ZNF804A: variants seen among roughly 807,000 people sequenced by gnomAD.
The protein encoded by ZNF804A is zinc finger protein 804A.
ZNF804A carries 2 observed loss-of-function variants against 16.5 expected under a neutral mutation model. That is an observed-to-expected ratio of 0.12 (90% confidence interval 0.05 to 0.38). ZNF804A has a LOEUF of 0.38. ZNF804A is among the 10% of genes least tolerant of loss of function. ZNF804A has a pLI of 0.99. For missense variants in ZNF804A, 1,473 were observed against 1,390.7 expected, an observed-to-expected ratio of 1.06 and a Z score of -0.94; for synonymous variants, 534 against 489.6, an observed-to-expected ratio of 1.09 and a Z score of -1.20.
At chr2:184,863,402 T>G (rs1374481985) in intron 1 of ZNF804A, among the ~76,000 whole-genome samples, 1 of 152,162 alleles carries the variant, frequency 6.6e-6, no homozygotes, top group Non-Finnish European at 1.5e-5. Flanking sequence ...TACTTTTAAA[T>G]TACTGTTTTT....
intron 1 of ZNF804A, among the ~76,000 whole-genome samples, chr2:184,749,954 G>T (rs899909093): frequency 6.6e-6 from 1 of 151,152 alleles, no homozygotes; most frequent in Non-Finnish European, 1.5e-5. Flanking sequence ...GAACATTTTA[G>T]TGGGATTTGC....
At chr2:184,662,214 C>T (rs1559120326) in intron 1 of ZNF804A, among the ~76,000 whole-genome samples, 1 of 152,106 alleles carries the variant, frequency 6.6e-6, no homozygotes, top group South Asian at 2.1e-4. Context: ...GCAACATTAC[C>T]TGTTGTGTCA....
intron 1 of ZNF804A, among the ~76,000 whole-genome samples, chr2:184,678,893 C>T (rs1440235049): frequency 6.6e-6 from 1 of 152,042 alleles, no homozygotes; most frequent in Non-Finnish European, 1.5e-5. Flanking sequence ...TTAGTGTATT[C>T]TTACAGATTC....
intron 1 of ZNF804A, among the ~76,000 whole-genome samples, chr2:184,636,223 CT>C (rs146807772): frequency 0.068 from 10,280 of 150,132 alleles, 467 homozygotes; most frequent in Middle Eastern, 0.11. Flanking sequence ...GACTCAATGG[CT>C]TTTTTTTTAA....
At chr2:184,787,210 A>G (rs1358221170) in intron 1 of ZNF804A, among the ~76,000 whole-genome samples, 1 of 151,926 alleles carries the variant, frequency 6.6e-6, no homozygotes, top group African/African-American at 2.4e-5. Flanking sequence ...AGAACATTCA[A>G]TGTTTGATAT....
At chr2:184,641,381 A>G (rs1339980311) in intron 1 of ZNF804A, among the ~76,000 whole-genome samples, 1 of 152,202 alleles carries the variant, frequency 6.6e-6, no homozygotes, top group Non-Finnish European at 1.5e-5. Flanking sequence ...TAATGACAGA[A>G]AGCAGATCAG....
rs188798587 is a variant in ZNF804A at position 184,779,691 on chromosome 2, C to T, written c.112-86678C>T. Among the ~76,000 whole-genome samples the T allele has an allele frequency of 4.7e-4, 71 of 151,714 alleles. No homozygotes were observed. The East Asian group carries it at 0.011, about 24-fold the overall frequency. ...TTTGGAGATGGGAAGGAGCTATAGC[C>T]ATGAAACGGGGCTGGCCTCTAGAAG... On this transcript the variant is annotated intron_variant, in intron 1 of 3. Transcript: ENST00000302277.
intron 1 of ZNF804A, among the ~76,000 whole-genome samples, chr2:184,756,404 T>C (rs1693959750): frequency 6.6e-6 from 1 of 151,994 alleles, no homozygotes; most frequent in Admixed American, 6.6e-5. Flanking sequence ...AATTTTATAA[T>C]GAATATGTTT....
chr2:184,637,452 G>C (rs542441502), intron 1 of ZNF804A, among the ~76,000 whole-genome samples: 11 of 152,106 alleles, frequency 7.2e-5, no homozygotes, highest in African/African-American at 1.9e-4. Context: ...TGCTGCAAAA[G>C]ATGTTTTCTG....
chr2:184,769,832 C>A (rs1694184889), intron 1 of ZNF804A, among the ~76,000 whole-genome samples: 1 of 151,968 alleles, frequency 6.6e-6, no homozygotes, highest in African/African-American at 2.4e-5. Flanking sequence ...GTAATCAGAG[C>A]TCAGATGTTT....
chr2:184,872,562 G>A (rs1695992512), intron 2 of ZNF804A, among the ~76,000 whole-genome samples: 1 of 152,022 alleles, frequency 6.6e-6, no homozygotes, highest in African/African-American at 2.4e-5. Context: ...ACCTAAAAAT[G>A]CCATACAACT....
chr2:184,915,410 G>T (rs1025731029), intron 2 of ZNF804A, among the ~76,000 whole-genome samples: 19 of 152,024 alleles, frequency 1.2e-4, no homozygotes, highest in Non-Finnish European at 2.5e-4. Context: ...GCATTCAGTT[G>T]TTTGTATATA....
At chr2:184,853,239 T>G (rs1419076235) in intron 1 of ZNF804A, among the ~76,000 whole-genome samples, 1 of 151,932 alleles carries the variant, frequency 6.6e-6, no homozygotes, top group Non-Finnish European at 1.5e-5. Flanking sequence ...TTCATTATTA[T>G]TTTATAGAAA....
At chr2:184,914,372 G>T (rs980748102) in intron 2 of ZNF804A, among the ~76,000 whole-genome samples, 1 of 152,120 alleles carries the variant, frequency 6.6e-6, no homozygotes, top group Non-Finnish European at 1.5e-5. Flanking sequence ...TGTTGTAAGA[G>T]GCTCTCTAGG....
chr2:184,937,765 A>T lies in ZNF804A; in HGVS notation c.2369A>T (p.His790Leu). 6.2e-7 allele frequency: 1 copy of T among 1,614,012 alleles called. No homozygotes were observed. The highest frequency in any genetic ancestry group is 1.1e-5 in the South Asian group (1 of 91,078). ...GATGAAAGTTTAAATCGACAGAATCATTTACCAGAAGAATTTTTGAGGCCA... is the reference window on the plus strand; with the variant it reads ...GATGAAAGTTTAAATCGACAGAATCTTTTACCAGAAGAATTTTTGAGGCCA... ...SSDESLNRQNHLPEEFLRPPS... is the reference protein window; with the variant it reads ...SSDESLNRQNLLPEEFLRPPS... The change falls in exon 4 of 4, where the codon CAT (histidine) becomes CTT (leucine). Residue 790 changes from histidine (H) to leucine (L), a missense_variant. Physicochemically the swap from His to Leu is moderately conservative, Grantham distance 99. Coordinates refer to ENST00000302277, the MANE Select transcript of ZNF804A (RefSeq NM_194250.2).
intron 1 of ZNF804A, among the ~76,000 whole-genome samples, chr2:184,813,923 G>A (rs911464478): frequency 2.7e-5 from 4 of 145,916 alleles, no homozygotes; most frequent in African/African-American, 5.0e-5. Context: ...TTCAGTACAT[G>A]CTTCAGGTTT....
At chr2:184,919,075 T>C (rs559753493) in intron 2 of ZNF804A, among the ~76,000 whole-genome samples, 1 of 152,300 alleles carries the variant, frequency 6.6e-6, no homozygotes, top group East Asian at 1.9e-4. Flanking sequence ...TATTCTTCAT[T>C]TGTGAAGTGA....
intron 1 of ZNF804A, among the ~76,000 whole-genome samples, chr2:184,792,654 CAGAAATTTAATTTCA>C (rs945868046): frequency 2.6e-5 from 4 of 152,120 alleles, no homozygotes; most frequent in Non-Finnish European, 5.9e-5. Context: ...TTTCACAGAA[CAGAAATTTAATTTCA>C]ATGAAGTCCA....
At chr2:184,644,476 G>C (rs1325021514) in intron 1 of ZNF804A, among the ~76,000 whole-genome samples, 3 of 151,512 alleles carry the variant, frequency 2.0e-5, no homozygotes, top group East Asian at 3.9e-4. Flanking sequence ...AGTCATCCTG[G>C]TGATATATAA....
Sources: allele counts gnomAD v4.1 joint callset (sites outside exome capture counted in the v4.1 genomes callset), GRCh38; gene constraint gnomAD v4.1.1; transcripts MANE v1.5; gene names NCBI Gene and HGNC (gene_info 2026-07-23, HGNC 2026-07-21).